Variants in VIT observed in about 807,000 individuals in gnomAD.
VIT encodes the protein vitrin.
VIT carries 99 observed loss-of-function variants against 78.0 expected under a neutral mutation model. That is an observed-to-expected ratio of 1.27 (90% CI 1.08 to 1.50). The LOEUF (loss-of-function observed/expected upper bound fraction) is 1.50, where lower values mean the gene tolerates loss of function less well. Ranked by LOEUF, VIT falls within the 40% of genes most tolerant of loss-of-function variation. VIT has a pLI of 0.00. For synonymous variants in VIT, 374 were observed against 334.3 expected (o/e 1.12, Z -1.29); for missense variants, 1,126 against 875.3 (o/e 1.29, Z -3.61).
rs1027230673 is a variant in VIT at position 36,794,612 on chromosome 2, G to A, written c.1059-6689G>A. ...TTCTTAAATGTTTGCCATGTACTGC[G>A]CCCTTGGTCATTTGTGGAGGATCTG... On this transcript the variant is annotated intron_variant, in intron 12 of 15. Coordinates refer to ENST00000379242, the MANE Select transcript of VIT (RefSeq NM_053276.4). 7.9e-5 allele frequency among the ~76,000 whole-genome samples: 12 copies of A among 152,102 alleles called. No homozygotes were observed. In the South Asian group the frequency reaches 1.2e-3, roughly 16 times the overall value.
intron 1 of VIT, among the ~76,000 whole-genome samples, chr2:36,708,481 G>C (rs1376428616): frequency 6.6e-6 from 1 of 152,064 alleles, no homozygotes; most frequent in East Asian, 1.9e-4. Flanking sequence ...TAAGCCTCTA[G>C]GGGGCTTATT....
In VIT at chr2:36,808,900, C is replaced by A. The variant is rs1408192744; in HGVS notation, c.1818C>A (p.Pro606=). ...ALEQLFKKSK[P]NKRKLMILIT... Reference sequence around the variant, plus strand: ...AGCAGCTCTTCAAGAAGTCCAAGCCCAACAAGAGGAAGTTAATGATCCTCA... The same window carrying A: ...AGCAGCTCTTCAAGAAGTCCAAGCCAAACAAGAGGAAGTTAATGATCCTCA... Residue 606 remains proline (P), a synonymous_variant, in exon 15 of 16, where the codon CCC becomes CCA. Coordinates refer to ENST00000379242, the MANE Select transcript of VIT (RefSeq NM_053276.4). 6.2e-7 allele frequency: 1 copy of A among 1,613,948 alleles called. No homozygotes were observed. Among genetic ancestry groups the A allele is most frequent in the South Asian group, 1.1e-5 (1 of 91,078 alleles).
At chr2:36,741,622 T>C (rs1482888288) in intron 3 of VIT, among the ~76,000 whole-genome samples, 1 of 152,178 alleles carries the variant, frequency 6.6e-6, no homozygotes, top group Non-Finnish European at 1.5e-5. Context: ...TTAGCAACTC[T>C]GAGACCATCT....
intron 15 of VIT, among the ~76,000 whole-genome samples, chr2:36,809,318 A>G (rs1457610156): frequency 6.6e-6 from 1 of 152,222 alleles, no homozygotes; most frequent in African/African-American, 2.4e-5. Context: ...AATTTGACTC[A>G]TCACTTTACC....
chr2:36,814,464 G>C lies in VIT; in HGVS notation c.*103G>C. On this transcript the variant is annotated 3_prime_UTR_variant, in exon 16 of 16. Coordinates refer to ENST00000379242, the MANE Select transcript of VIT (RefSeq NM_053276.4). ...CGCACGGTGCATCAAGTCTTGGGCAGGGCATGGAGAAACAAATGTCTTGTT... is the reference window on the plus strand; with the variant it reads ...CGCACGGTGCATCAAGTCTTGGGCACGGCATGGAGAAACAAATGTCTTGTT... 3 of 1,351,548 alleles carry C rather than the reference G, an allele frequency of 2.2e-6. 1 individual carries two copies. Among genetic ancestry groups the C allele is most frequent in the South Asian group, 3.1e-5 (2 of 64,974 alleles). The allele number at this position is 1,351,548 out of a possible 1,614,324, so 83.7% of individuals were successfully genotyped here.
At chr2:36,809,993 A>T (rs1667036420) in intron 15 of VIT, among the ~76,000 whole-genome samples, 1 of 149,944 alleles carries the variant, frequency 6.7e-6, no homozygotes, top group South Asian at 2.1e-4. Flanking sequence ...CCTGTCTCAA[A>T]AAAAAAAAAA....
intron 1 of VIT, among the ~76,000 whole-genome samples, chr2:36,711,993 T>G (rs573795804): frequency 3.9e-4 from 59 of 152,266 alleles, no homozygotes; most frequent in African/African-American, 1.4e-3. Context: ...TATTGTTCAG[T>G]TTTTGTTAGA....
intron 4 of VIT, among the ~76,000 whole-genome samples, chr2:36,743,545 G>A (rs1455413988): frequency 6.6e-6 from 1 of 152,044 alleles, no homozygotes; most frequent in Non-Finnish European, 1.5e-5. Context: ...TACATAATGT[G>A]TCATTTTCCT....
chr2:36,760,232 A>G (rs1419461554), intron 6 of VIT, among the ~76,000 whole-genome samples: 1 of 151,970 alleles, frequency 6.6e-6, no homozygotes, highest in Non-Finnish European at 1.5e-5. Context: ...TGACCTCATG[A>G]TCCTCCCGCC....
intron 12 of VIT, among the ~76,000 whole-genome samples, chr2:36,790,755 T>C (rs1171791663): frequency 6.6e-6 from 1 of 152,240 alleles, no homozygotes; most frequent in African/African-American, 2.4e-5. Flanking sequence ...TGGTAATTGC[T>C]ACTTTTCACC....
chr2:36,774,671 T>C (rs1012674992), intron 8 of VIT: 2 of 985,286 alleles, frequency 2.0e-6, no homozygotes, highest in African/African-American at 3.5e-5. Flanking sequence ...GCTTCACAAT[T>C]GCACCTTTGC....
intron 1 of VIT, among the ~76,000 whole-genome samples, chr2:36,700,231 AAG>A (rs1292769311): frequency 1.3e-5 from 2 of 152,166 alleles, no homozygotes; most frequent in African/African-American, 4.8e-5. Context: ...AATAATAAAT[AAG>A]AGAGGCAACT....
At chr2:36,778,350 G>GCTA (rs1212846040) in intron 9 of VIT, among the ~76,000 whole-genome samples, 1 of 152,126 alleles carries the variant, frequency 6.6e-6, no homozygotes, top group Non-Finnish European at 1.5e-5. Flanking sequence ...GTTGGGGCAG[G>GCTA]CTACTCCTGC....
At chr2:36,801,185 G>A in intron 12 of VIT, 116 bp from the exon 13 acceptor site, 3 of 935,390 alleles carry the variant, frequency 3.2e-6, no homozygotes, top group East Asian at 2.4e-5. Flanking sequence ...ACAAGGCATA[G>A]CAGAAGGCTT....
intron 4 of VIT, among the ~76,000 whole-genome samples, chr2:36,745,040 C>A (rs1427075739): frequency 2.0e-5 from 3 of 152,078 alleles, no homozygotes; most frequent in African/African-American, 7.2e-5. Context: ...ATATGGATAG[C>A]CAGTTATCCC....
chr2:36,769,874 A>G (rs922028622), intron 7 of VIT, among the ~76,000 whole-genome samples: 3 of 152,176 alleles, frequency 2.0e-5, no homozygotes, highest in Non-Finnish European at 4.4e-5. Context: ...CTAGGCAGCC[A>G]ATTGACTTGC....
intron 3 of VIT, among the ~76,000 whole-genome samples, chr2:36,734,723 T>C (rs1558525393): frequency 1.3e-5 from 2 of 152,192 alleles, no homozygotes; most frequent in Non-Finnish European, 2.9e-5. Flanking sequence ...CTCTCTACTT[T>C]CCCTTCTTTT....
At chr2:36,755,646 T>C (rs915887332) in intron 5 of VIT, among the ~76,000 whole-genome samples, 10 of 152,186 alleles carry the variant, frequency 6.6e-5, no homozygotes, top group African/African-American at 1.2e-4. Flanking sequence ...CACCCAGTGA[T>C]TTTAACATCC....
chr2:36,793,923 A>G (rs1665678116), intron 12 of VIT, among the ~76,000 whole-genome samples: 1 of 152,168 alleles, frequency 6.6e-6, no homozygotes, highest in South Asian at 2.1e-4. Context: ...AACTTTCCTG[A>G]GAATAAGAAT....
Sources: allele counts gnomAD v4.1 joint callset (sites outside exome capture counted in the v4.1 genomes callset), GRCh38; gene constraint gnomAD v4.1.1; transcripts MANE v1.5; gene names NCBI Gene and HGNC (gene_info 2026-07-23, HGNC 2026-07-21).